The following NBEA variants were observed in gnomAD, a reference collection of about 807,000 sequenced individuals.
NBEA encodes neurobeachin.
In NBEA, 44 loss-of-function variants were observed where a neutral mutation model predicts 343.4. That is an observed-to-expected ratio of 0.13 (90% CI 0.10 to 0.16). NBEA has a LOEUF of 0.16. NBEA is among the 10% of genes least tolerant of loss of function. The pLI, the probability that NBEA is intolerant of heterozygous loss-of-function variation, is 1.00. For missense variants in NBEA, 2,555 were observed against 3,631.3 expected, an observed-to-expected ratio of 0.70 and a Z score of 7.62; for synonymous variants, 1,175 against 1,238.7, an observed-to-expected ratio of 0.95 and a Z score of 1.08.
At chr13:35,116,630 A>G (rs1288368238) in intron 13 of NBEA, among the ~76,000 whole-genome samples, 1 of 152,132 alleles carries the variant, frequency 6.6e-6, no homozygotes, top group African/African-American at 2.4e-5. Flanking sequence ...TACATTATAC[A>G]TGAAGGGATT....
At chr13:35,214,785 T>TA (rs1215473084) in intron 33 of NBEA, among the ~76,000 whole-genome samples, 2 of 151,854 alleles carry the variant, frequency 1.3e-5, no homozygotes, top group African/African-American at 2.4e-5. Flanking sequence ...GTCATGTAGA[T>TA]ATTCTACTAT....
rs189596125 is a variant in NBEA, at chr13:35,162,856, T to C, written c.4079+889T>C. The stretch of plus-strand genomic sequence containing the variant: ...ATGTGTGTTAGCAGGGAAAAAGTTA[T>C]GACTGTTGTGGAAGAAGTCAATAAA... On this transcript the variant is annotated intron_variant, in intron 23 of 58. Transcript: ENST00000379939. 1.1e-3 allele frequency among the ~76,000 whole-genome samples: 162 copies of C among 152,296 alleles called. 3 individuals are homozygous for C. The highest frequency in any genetic ancestry group is 6.2e-4 in the Non-Finnish European group (42 of 68,024).
chr13:35,173,497 G>A lies in NBEA; in HGVS notation c.4457G>A (p.Cys1486Tyr). 6.2e-7 allele frequency: 1 copy of A among 1,609,844 alleles called. No individual in the cohort carries two copies. Among genetic ancestry groups the A allele is most frequent in the Non-Finnish European group, 8.5e-7 (1 of 1,177,446 alleles). Residue 1486 changes from cysteine to tyrosine, a missense_variant, in exon 27 of 59, where the codon TGT becomes TAT. Physicochemically the swap from Cys to Tyr is radical, Grantham distance 194 (BLOSUM62 -2). Transcript: ENST00000379939. ...CCVAVRNCLE[C>Y]RQRQRDRGNK... The stretch of plus-strand genomic sequence containing the variant: ...GTTGCTGTGAGAAACTGTTTAGAAT[G>A]TCGGCAAAGACAGAGAGACAGGGGA...
chr13:35,026,988 G>T (rs1005070578), intron 1 of NBEA, among the ~76,000 whole-genome samples: 3 of 151,962 alleles, frequency 2.0e-5, no homozygotes, highest in African/African-American at 7.2e-5. Flanking sequence ...TCCATAAATA[G>T]AATCGTATTT....
intron 13 of NBEA, among the ~76,000 whole-genome samples, chr13:35,116,236 C>G (rs2066485677): frequency 6.6e-6 from 1 of 152,190 alleles, no homozygotes; most frequent in East Asian, 1.9e-4. Context: ...CATCCCTCCA[C>G]TCTGCAGATA....
chr13:35,598,942 C>T (rs1162922233), intron 47 of NBEA, among the ~76,000 whole-genome samples: 1 of 152,158 alleles, frequency 6.6e-6, no homozygotes, highest in East Asian at 1.9e-4. Context: ...TTCCTGAGTT[C>T]ATCTCTCTCT....
chr13:35,114,655 C>T (rs1349302736), intron 13 of NBEA, among the ~76,000 whole-genome samples: 1 of 152,068 alleles, frequency 6.6e-6, no homozygotes, highest in Non-Finnish European at 1.5e-5. Context: ...AACCCTTGCC[C>T]CTGAGGCCTC....
chr13:35,081,354 T>A (rs942671120), intron 10 of NBEA, among the ~76,000 whole-genome samples: 3 of 152,344 alleles, frequency 2.0e-5, no homozygotes, highest in Admixed American at 6.5e-5. Context: ...TGCAATATCT[T>A]TATTAATGGG....
At chr13:35,229,458 T>C (rs903666862) in intron 33 of NBEA, among the ~76,000 whole-genome samples, 2 of 152,186 alleles carry the variant, frequency 1.3e-5, no homozygotes, top group African/African-American at 4.8e-5. Context: ...TGCTGAAGAA[T>C]ACCTGGTTTT....
intron 18 of NBEA, among the ~76,000 whole-genome samples, chr13:35,151,561 A>AG (rs1452648598): frequency 1.1e-4 from 16 of 151,720 alleles, no homozygotes; most frequent in Admixed American, 9.8e-4. Context: ...AAAAAAAAAA[A>AG]TTAAGGCACA....
intron 41 of NBEA, among the ~76,000 whole-genome samples, chr13:35,550,068 C>T (rs1159002279): frequency 6.6e-6 from 1 of 152,154 alleles, no homozygotes; most frequent in Non-Finnish European, 1.5e-5. Flanking sequence ...TTAAACCAAT[C>T]ATGATCCTTT....
chr13:35,577,677 CTTCA>C (rs1200898538), intron 45 of NBEA, among the ~76,000 whole-genome samples: 1 of 152,006 alleles, frequency 6.6e-6, no homozygotes, highest in Non-Finnish European at 1.5e-5. Flanking sequence ...GTCAATCAGT[CTTCA>C]TTCATTTAGC....
At chr13:34,983,839 C>T (rs562609639) in intron 1 of NBEA, among the ~76,000 whole-genome samples, 1 of 152,284 alleles carries the variant, frequency 6.6e-6, no homozygotes, top group East Asian at 1.9e-4. Flanking sequence ...AGTGTCTGTT[C>T]ATATCCTTTG....
At chr13:35,658,432 A>G (rs1043352453) in intron 55 of NBEA, among the ~76,000 whole-genome samples, 5 of 152,220 alleles carry the variant, frequency 3.3e-5, no homozygotes, top group African/African-American at 1.2e-4. Flanking sequence ...ATAAGCACCT[A>G]AAGTATTAGT....
chr13:35,474,813 A>G, intron 41 of NBEA: 1 of 476,296 alleles, frequency 2.1e-6, no homozygotes, highest in Non-Finnish European at 3.7e-6. Context: ...TTCAAGGGAG[A>G]TAGGAAATCG....
intron 41 of NBEA, among the ~76,000 whole-genome samples, chr13:35,483,850 A>G (rs1566203433): frequency 6.6e-6 from 1 of 152,128 alleles, no homozygotes; most frequent in Non-Finnish European, 1.5e-5. Context: ...CCATGCATGC[A>G]TGCAGGCTGT....
chr13:35,422,126 C>T (rs1186217516), intron 38 of NBEA, among the ~76,000 whole-genome samples: 1 of 148,412 alleles, frequency 6.7e-6, no homozygotes, highest in African/African-American at 2.5e-5. Flanking sequence ...CGTTCTTTCA[C>T]ATGCAGAGCA....
intron 38 of NBEA, among the ~76,000 whole-genome samples, chr13:35,384,774 C>T (rs2042167962): frequency 6.6e-6 from 1 of 152,108 alleles, no homozygotes; most frequent in Non-Finnish European, 1.5e-5. Context: ...GATCCACCCA[C>T]CTCGGCCTCC....
intron 38 of NBEA, among the ~76,000 whole-genome samples, chr13:35,358,044 T>A (rs771944259): frequency 1.3e-5 from 2 of 152,054 alleles, no homozygotes; most frequent in Non-Finnish European, 2.9e-5. Context: ...TCAATTGAGA[T>A]GGAGTCTCAC....
Sources: gnomAD v4.1 joint callset for allele counts (sites outside exome capture counted in the v4.1 genomes callset) on GRCh38, gnomAD v4.1.1 for gene constraint, MANE v1.5 for transcripts, NCBI Gene and HGNC (gene_info 2026-07-23, HGNC 2026-07-21) for gene names.